DERL2: variants seen among roughly 807,000 people sequenced by gnomAD.
DERL2 encodes the protein derlin-2.
DERL2 carries 13 observed loss-of-function variants against 32.0 expected under a neutral mutation model. The ratio of observed to expected loss-of-function variants is 0.41; its 90% CI spans 0.26 to 0.65. The LOEUF is 0.65. Among genes scored for constraint, DERL2 ranks in the 30% least tolerant of loss-of-function variants. DERL2 has a pLI of 0.35. For synonymous variants in DERL2, 111 were observed against 104.7 expected (o/e 1.06, Z -0.37); for missense variants, 208 against 296.3 (o/e 0.70, Z 2.19).
At position 5,480,823 on chromosome 17, in the gene DERL2, T is replaced by A; in HGVS notation, c.328-241A>T. The A allele has an allele frequency of 1.3e-5, 6 of 460,838 alleles. No individual in the cohort carries two copies. The South Asian group carries it at 3.3e-4, about 25-fold the overall frequency. The allele number at this position is 460,838 out of a possible 1,614,324, so 28.5% of individuals were successfully genotyped here. A position where few individuals can be genotyped will look rare whatever the true frequency, so the allele number is the denominator to read the frequency against. On this transcript the variant is annotated intron_variant, in intron 4 of 6. Transcript: ENST00000158771. The stretch of plus-strand genomic sequence containing the variant: ...AACAAATACTCTGCTTTCGTGAAGT[T>A]CTTGCCTCTTTGGAAAATGTGTTAA...
chr17:5,474,656 G>A lies in DERL2; in HGVS notation c.*28C>T. 6.4e-7 allele frequency: 1 copy of A among 1,557,580 alleles called. No homozygotes were observed. The highest frequency in any genetic ancestry group is 8.8e-7 in the Non-Finnish European group (1 of 1,137,672). On this transcript the variant is annotated 3_prime_UTR_variant, in exon 7 of 7. Coordinates refer to ENST00000158771, the MANE Select transcript of DERL2 (RefSeq NM_016041.5). This position sits in a 1 kb window ranked among gnomAD's most constrained non-coding sequence, Gnocchi z 4.3. ...AGTGGGTATCACCGAGTCCTTCCCA[G>A]CTGGGTCTCATTATTGGCACTGCTG...
Position 5,480,491 on chromosome 17 carries a change from C to A in DERL2, c.419G>T (p.Arg140Leu). 6.2e-7 allele frequency: 1 copy of A among 1,611,386 alleles called. No homozygotes were observed. The highest frequency in any genetic ancestry group is 8.5e-7 in the Non-Finnish European group (1 of 1,179,294). Residue 140 changes from arginine to leucine, a missense_variant, in exon 5 of 7, where the codon CGC (arginine) becomes CTC (leucine). Physicochemically the swap from Arg to Leu is moderately radical, Grantham distance 102. This residue lies in a region of DERL2 where 124 missense variants were observed against 215.3 expected (regional missense o/e 0.58). Coordinates refer to ENST00000158771, the MANE Select transcript of DERL2 (RefSeq NM_016041.5). ...GTTGAGAAGGCCGAAGAAGTTCATG[C>A]GGACATAGGGGTTCCTTCGGCTCCA... is the stretch of plus-strand genomic sequence containing the variant. Reference protein sequence around the residue: ...YVWSRRNPYVRMNFFGLLNFQ... With the variant: ...YVWSRRNPYVLMNFFGLLNFQ...
In DERL2 at chr17:5,474,780, A is replaced by G; in HGVS notation, c.624T>C (p.Ile208=). ...ILKTPSILKA[I]FDTPDEDPNY... is the part of the protein sequence containing the mutation. ...TTGGATCCTCATCTGGTGTATCAAA[A>G]ATAGCTTTCCTAAAAGACAAGCAAC... Residue 208 remains isoleucine, a synonymous_variant, in exon 7 of 7, where the codon ATT becomes ATC. Coordinates refer to ENST00000158771, the MANE Select transcript of DERL2 (RefSeq NM_016041.5). This position sits in a 1 kb window ranked among gnomAD's most constrained non-coding sequence, Gnocchi z 4.3. 1 of 1,613,302 alleles carries G rather than the reference A, an allele frequency of 6.2e-7. No homozygotes were observed. Among genetic ancestry groups the G allele is most frequent in the Non-Finnish European group, 8.5e-7 (1 of 1,179,604 alleles).
chr17:5,480,421 C>A lies in DERL2; in HGVS notation c.489G>T (p.Leu163Phe). The change falls in exon 5 of 7, where the codon TTG becomes TTT. Residue 163 changes from leucine (L) to phenylalanine (F), a missense_variant. Transcript: ENST00000158771. ...CCACAATGATTGAGTTCCCCAACAA[C>A]AAGGAAAATCCCATGAGCACCCAGG... ...FLPWVLMGFS[L>F]LLGNSIIVDL... The A allele has an allele frequency of 6.2e-7, 1 of 1,613,814 alleles. No individual in the cohort carries two copies.
chr17:5,474,365 T>C lies in DERL2; in HGVS notation c.*319A>G. The C allele has an allele frequency of 5.0e-6, 1 of 198,752 alleles. No homozygotes were observed. The highest frequency in any genetic ancestry group is 1.7e-4 in the South Asian group (1 of 6,040). 12.3% of individuals were successfully genotyped at this position (198,752 alleles called of 1,614,324 possible). A position where few individuals can be genotyped will look rare whatever the true frequency, so the allele number is the denominator to read the frequency against. On this transcript the variant is annotated 3_prime_UTR_variant, in exon 7 of 7. Transcript: ENST00000158771. This position sits in a 1 kb window ranked among gnomAD's most constrained non-coding sequence, Gnocchi z 4.3. ...TCCATTTACACCATGGCCTCATCTA[T>C]CAAGAAGAGGAAGAAAAGGCTCTGC...
At chr17:5,486,194 C>G (rs1437884375), upstream of DERL2, 7 of 1,214,808 alleles carry the variant, frequency 5.8e-6, no homozygotes, top group Non-Finnish European at 7.6e-6. Context: ...ACCCCCCACC[C>G]ACCCCATTTC....
chr17:5,479,995 G>T (rs1335208747), intron 6 of DERL2, 59 bp downstream of exon 6: 7 of 1,090,658 alleles, frequency 6.4e-6, no homozygotes, highest in African/African-American at 1.6e-5. Flanking sequence ...AGAAAACACA[G>T]ATCATGCCCC....
At chr17:5,476,472 A>G (rs1341326891) in intron 6 of DERL2, among the ~76,000 whole-genome samples, 3 of 152,160 alleles carry the variant, frequency 2.0e-5, no homozygotes, top group African/African-American at 4.8e-5. Context: ...ACAATAATCA[A>G]AGGAAAGTAT....
In DERL2 at chr17:5,473,547, A is replaced by G. The variant is rs1905213835; in HGVS notation, c.*1137T>C. The G allele has an allele frequency of 6.6e-6, 1 of 152,022 alleles. No individual in the cohort carries two copies. Among genetic ancestry groups the G allele is most frequent in the African/African-American group, 2.4e-5 (1 of 41,380 alleles). The allele number at this position is 152,022 out of a possible 1,614,324, so 9.4% of individuals were successfully genotyped here. A position where few individuals can be genotyped will look rare whatever the true frequency, so the allele number is the denominator to read the frequency against. On this transcript the variant is annotated 3_prime_UTR_variant, in exon 7 of 7. Transcript: ENST00000158771. Reference sequence around the variant, plus strand: ...AACTGGTATCTGTTCGTCTGGCTCCAAAGTCAACATTCTAACTTGGTTTCC... The same window carrying G: ...AACTGGTATCTGTTCGTCTGGCTCCGAAGTCAACATTCTAACTTGGTTTCC...
intron 4 of DERL2, chr17:5,480,810 G>A (rs921746031): frequency 4.4e-6 from 2 of 455,848 alleles, no homozygotes; most frequent in Admixed American, 3.9e-5. Context: ...CAAATACTCT[G>A]CTTTCGTGAA....
chr17:5,474,314 C>T lies in DERL2; in HGVS notation c.*370G>A, dbSNP rs781423645. 2 of 161,454 alleles carry T rather than the reference C, an allele frequency of 1.2e-5. No homozygotes were observed. Among genetic ancestry groups the T allele is most frequent in the Admixed American group, 6.4e-5 (1 of 15,546 alleles). The allele number at this position is 161,454 out of a possible 1,614,324, so 10.0% of individuals were successfully genotyped here. A position where few individuals can be genotyped will look rare whatever the true frequency, so the allele number is the denominator to read the frequency against. ...ATACAGTGAGAGAAAAATGGAATTC[C>T]GTTTTATTTTGTCCTCTCTGAAACT... On this transcript the variant is annotated 3_prime_UTR_variant, in exon 7 of 7. Coordinates refer to ENST00000158771, the MANE Select transcript of DERL2 (RefSeq NM_016041.5). The surrounding 1 kb of genome is among the most constrained non-coding windows in gnomAD (Gnocchi z 4.3).
chr17:5,476,926 T>C (rs578087607), intron 6 of DERL2, among the ~76,000 whole-genome samples: 52 of 152,282 alleles, frequency 3.4e-4, no homozygotes, highest in Admixed American at 3.1e-3. Flanking sequence ...GACGAGATGT[T>C]AGCCCGAGTA....
chr17:5,482,665 C>A, intron 3 of DERL2, 144 bp downstream of exon 3: 1 of 565,420 alleles, frequency 1.8e-6, no homozygotes, highest in South Asian at 1.9e-5. Flanking sequence ...AACATTACTA[C>A]CTAAGCAACT....
Position 5,481,291 on chromosome 17 carries a change from G to T in DERL2, c.327+5C>A. ...CATTTTCCCGTGTTGTTTGTTGAAGGATACGGTCATTAAGAATCCACCAAA... is the reference window on the plus strand; with the variant it reads ...CATTTTCCCGTGTTGTTTGTTGAAGTATACGGTCATTAAGAATCCACCAAA... On this transcript the variant is annotated splice_donor_5th_base_variant and intron_variant, in intron 4 of 6. Transcript: ENST00000158771. The surrounding 1 kb of genome is among the most constrained non-coding windows in gnomAD (Gnocchi z 4.4). 1 of 1,606,348 alleles carries T rather than the reference G, an allele frequency of 6.2e-7. No homozygotes were observed. Among genetic ancestry groups the T allele is most frequent in the Non-Finnish European group, 8.5e-7 (1 of 1,172,922 alleles).
rs771413501 is a variant in DERL2 at position 5,474,670 on chromosome 17, T to C, written c.*14A>G. On this transcript the variant is annotated 3_prime_UTR_variant, in exon 7 of 7. Transcript: ENST00000158771. The surrounding 1 kb of genome is among the most constrained non-coding windows in gnomAD (Gnocchi z 4.3). ...AGTCCTTCCCAGCTGGGTCTCATTA[T>C]TGGCACTGCTGCTTTAACCTCCAAG... 6.3e-7 allele frequency: 1 copy of C among 1,599,692 alleles called. No individual in the cohort carries two copies. The highest frequency in any genetic ancestry group is 1.7e-5 in the Admixed American group (1 of 58,450).
At chr17:5,475,404 C>T (rs1485362530) in intron 6 of DERL2, among the ~76,000 whole-genome samples, 2 of 151,586 alleles carry the variant, frequency 1.3e-5, no homozygotes, top group Non-Finnish European at 2.9e-5. Flanking sequence ...GGATTACAGG[C>T]GCCCGCCACC....
chr17:5,477,536 G>T (rs766262682), intron 6 of DERL2, among the ~76,000 whole-genome samples: 1 of 152,146 alleles, frequency 6.6e-6, no homozygotes, highest in Non-Finnish European at 1.5e-5. Context: ...AGTATACAAG[G>T]AATTAAGTAT....
At chr17:5,479,946 C>T in intron 6 of DERL2, 108 bp downstream of exon 6, 1 of 669,834 alleles carries the variant, frequency 1.5e-6, no homozygotes, top group Middle Eastern at 4.3e-4. Flanking sequence ...CAAATGGTTA[C>T]TGACCTGAGC....
intron 6 of DERL2, chr17:5,477,759 C>T (rs1400785879): frequency 6.6e-6 from 1 of 152,068 alleles, no homozygotes; most frequent in East Asian, 1.9e-4. Flanking sequence ...TGAGGTAGTA[C>T]TAGAAATGGG....
Sources: allele counts gnomAD v4.1 joint callset (sites outside exome capture counted in the v4.1 genomes callset), GRCh38; gene constraint gnomAD v4.1.1; regional missense constraint gnomAD v4.1.1; non-coding constraint Gnocchi (gnomAD v3.1); transcripts MANE v1.5; gene names NCBI Gene and HGNC (gene_info 2026-07-23, HGNC 2026-07-21).